Variants in SUPT3H observed in about 807,000 individuals in gnomAD.
SUPT3H encodes transcription initiation protein SPT3 homolog.
Under a neutral mutation model 44.3 loss-of-function variants are expected in SUPT3H, and 44 were observed. The ratio of observed to expected loss-of-function variants is 0.99; its 90% CI spans 0.78 to 1.28. The LOEUF is 1.28. Among genes scored for constraint, SUPT3H ranks in the 50% most tolerant of loss-of-function variants. The pLI is 0.00. For synonymous variants in SUPT3H, 124 were observed against 125.6 expected, an observed-to-expected ratio of 0.99 and a Z score of 0.09; for missense variants, 380 against 387.1, an observed-to-expected ratio of 0.98 and a Z score of 0.15.
intron 10 of SUPT3H, among the ~76,000 whole-genome samples, chr6:44,907,431 C>G (rs575665758): frequency 7.9e-4 from 121 of 152,284 alleles, no homozygotes; most frequent in African/African-American, 2.7e-3. Flanking sequence ...AATCCCGACA[C>G]TTTGGGAGGC....
At chr6:45,018,993 G>T (rs1299122954) in intron 4 of SUPT3H, among the ~76,000 whole-genome samples, 6 of 152,076 alleles carry the variant, frequency 3.9e-5, no homozygotes, top group African/African-American at 1.4e-4. Context: ...CTTTTTGGTT[G>T]GTAAGCTATT....
chr6:45,195,036 TTC>T (rs997259717), intron 2 of SUPT3H, among the ~76,000 whole-genome samples: 15 of 151,832 alleles, frequency 9.9e-5, no homozygotes, highest in African/African-American at 3.6e-4. Context: ...TTTGCAAATT[TTC>T]TGTAATATTT....
chr6:45,259,721 T>G (rs987395219), intron 2 of SUPT3H, among the ~76,000 whole-genome samples: 1 of 151,912 alleles, frequency 6.6e-6, no homozygotes, highest in Admixed American at 6.6e-5. Flanking sequence ...ATGTAAAAAC[T>G]AGTAACTCTG....
At chr6:45,288,435 T>C (rs1779667421) in intron 2 of SUPT3H, among the ~76,000 whole-genome samples, 1 of 151,636 alleles carries the variant, frequency 6.6e-6, no homozygotes, top group Non-Finnish European at 1.5e-5. Flanking sequence ...AATGCTGATT[T>C]AGAATATAGA....
intron 2 of SUPT3H, among the ~76,000 whole-genome samples, chr6:45,213,220 T>C (rs953209647): frequency 1.2e-4 from 18 of 152,218 alleles, no homozygotes; most frequent in African/African-American, 1.7e-4. Context: ...TGAGTATGCA[T>C]TGTTCAAGCA....
chr6:44,993,606 C>T (rs1198554756), intron 6 of SUPT3H, among the ~76,000 whole-genome samples: 1 of 152,040 alleles, frequency 6.6e-6, no homozygotes, highest in African/African-American at 2.4e-5. Flanking sequence ...CTACATATTA[C>T]ATCTATTTTG....
intron 2 of SUPT3H, among the ~76,000 whole-genome samples, chr6:45,313,371 G>A (rs563420638): frequency 6.6e-6 from 1 of 151,956 alleles, no homozygotes; most frequent in Non-Finnish European, 1.5e-5. Context: ...TATTTGAAAA[G>A]ATATATAAGA....
At chr6:45,223,579 T>C (rs114155832) in intron 2 of SUPT3H, among the ~76,000 whole-genome samples, 3,052 of 152,040 alleles carry the variant, frequency 0.02, 111 homozygotes, top group African/African-American at 0.069. Flanking sequence ...CTAAATTTTA[T>C]ATTTAATAAT....
chr6:45,183,554 C>G (rs568855659), intron 2 of SUPT3H, among the ~76,000 whole-genome samples: 1 of 152,122 alleles, frequency 6.6e-6, no homozygotes, highest in African/African-American at 2.4e-5. Flanking sequence ...CCAGCTCTTG[C>G]GTGAACTCAG....
chr6:44,886,367 G>A (rs1304220932), intron 10 of SUPT3H, among the ~76,000 whole-genome samples: 1 of 152,122 alleles, frequency 6.6e-6, no homozygotes, highest in Non-Finnish European at 1.5e-5. Context: ...CAGCCAGAGA[G>A]AAAGGTCGGG....
At chr6:45,245,827 T>C (rs1331926931) in intron 2 of SUPT3H, among the ~76,000 whole-genome samples, 4 of 152,154 alleles carry the variant, frequency 2.6e-5, no homozygotes, top group African/African-American at 9.6e-5. Context: ...GATCATGTGG[T>C]AATTCTGTTT....
intron 6 of SUPT3H, among the ~76,000 whole-genome samples, chr6:44,999,956 ACTTTTAC>A (rs775549842): frequency 1.3e-5 from 2 of 151,832 alleles, no homozygotes; most frequent in South Asian, 4.1e-4. Flanking sequence ...TTGTTCTTTA[ACTTTTAC>A]CTTTTAAATA....
chr6:45,116,370 A>C, intron 2 of SUPT3H, among the ~76,000 whole-genome samples: 1 of 152,134 alleles, frequency 6.6e-6, no homozygotes, highest in East Asian at 1.9e-4. Context: ...CTCTCTTAAA[A>C]ATTATACACA....
chr6:45,010,449 A>C (rs955026858), intron 5 of SUPT3H, among the ~76,000 whole-genome samples: 3 of 152,106 alleles, frequency 2.0e-5, no homozygotes, highest in Admixed American at 6.6e-5. Context: ...TTTACCATTA[A>C]CTATGATGTT....
chr6:44,970,313 G>A (rs1269294135), intron 6 of SUPT3H, among the ~76,000 whole-genome samples: 4 of 152,062 alleles, frequency 2.6e-5, no homozygotes, highest in Non-Finnish European at 5.9e-5. Context: ...CCCATCTTGG[G>A]ATAAAATGTG....
rs148866300 is a variant in SUPT3H, at chr6:44,972,541, A to T, written c.505-10713T>A. On this transcript the variant is annotated intron_variant, in intron 6 of 10. Transcript: ENST00000371459. ...GGATCTACCATTCTGCGATCTGGAG[A>T]ATGGTGGCCCTTTTACAGCTCTACT... 9.2e-4 allele frequency among the ~76,000 whole-genome samples: 140 copies of T among 152,202 alleles called. 1 individual carries two copies. Among genetic ancestry groups the T allele is most frequent in the African/African-American group, 3.2e-3 (134 of 41,532 alleles).
chr6:44,961,404 A>C (rs1775999264), intron 7 of SUPT3H, among the ~76,000 whole-genome samples: 1 of 152,216 alleles, frequency 6.6e-6, no homozygotes, highest in Non-Finnish European at 1.5e-5. Context: ...ATTACGGATC[A>C]AATGCAATCA....
chr6:44,948,289 A>G (rs1000152312), intron 9 of SUPT3H, among the ~76,000 whole-genome samples: 17 of 152,350 alleles, frequency 1.1e-4, no homozygotes, highest in African/African-American at 4.1e-4. Context: ...TAAAAACCCT[A>G]GAAGAAAACC....
intron 3 of SUPT3H, chr6:45,098,581 T>C (rs894858783): frequency 3.0e-6 from 1 of 329,526 alleles, no homozygotes; most frequent in South Asian, 3.1e-5. Context: ...GAGAAGCCTA[T>C]AGATCCAGAT....
Sources: gnomAD v4.1 joint callset for allele counts (sites outside exome capture counted in the v4.1 genomes callset) on GRCh38, gnomAD v4.1.1 for gene constraint, MANE v1.5 for transcripts, NCBI Gene and HGNC (gene_info 2026-07-23, HGNC 2026-07-21) for gene names.